The following ACOT13 variants were observed in gnomAD, a reference collection of about 807,000 sequenced individuals.
The protein encoded by ACOT13 is acyl-CoA thioesterase 13, also known as acyl-coenzyme A thioesterase 13.
In ACOT13, 10 loss-of-function variants were observed where a neutral mutation model predicts 11.8. That is an observed-to-expected ratio of 0.85 (90% confidence interval 0.53 to 1.44). ACOT13 has a LOEUF of 1.44. Ranked by LOEUF, ACOT13 falls within the 40% of genes most tolerant of loss-of-function variation. The pLI, the probability that ACOT13 is intolerant of heterozygous loss-of-function variation, is 0.00. For missense variants in ACOT13, 172 were observed against 174.1 expected (o/e 0.99, Z 0.07); for synonymous variants, 53 against 61.0 (o/e 0.87, Z 0.61).
intron 1 of ACOT13, chr6:24,687,367 T>G: frequency 9.6e-7 from 1 of 1,045,450 alleles, no homozygotes; most frequent in Non-Finnish European, 1.2e-6. Context: ...AACATTATCG[T>G]GTTTAAGTTA....
chr6:24,687,859 G>A (rs1273361278), intron 1 of ACOT13, among the ~76,000 whole-genome samples: 11 of 151,636 alleles, frequency 7.3e-5, no homozygotes, highest in African/African-American at 7.3e-5. Flanking sequence ...TTACAGGCAC[G>A]CGCCACCATG....
At chr6:24,693,138 T>C (rs1206231701) in intron 1 of ACOT13, among the ~76,000 whole-genome samples, 1 of 152,208 alleles carries the variant, frequency 6.6e-6, no homozygotes, top group Non-Finnish European at 1.5e-5. Context: ...GTTAGCAACA[T>C]CCATGGTCAG....
chr6:24,694,073 T>C (rs1461955567), intron 1 of ACOT13, among the ~76,000 whole-genome samples: 2 of 152,100 alleles, frequency 1.3e-5, no homozygotes, highest in South Asian at 2.1e-4. Context: ...AGGCCATATA[T>C]AAAAGGGACA....
At chr6:24,681,021 C>T (rs868654867) in intron 1 of ACOT13, among the ~76,000 whole-genome samples, 3 of 152,186 alleles carry the variant, frequency 2.0e-5, no homozygotes, top group Admixed American at 6.5e-5. Context: ...AAGGGAGTTC[C>T]TCCTAGGTCT....
chr6:24,681,534 T>C (rs958171548), intron 1 of ACOT13, among the ~76,000 whole-genome samples: 2 of 150,084 alleles, frequency 1.3e-5, no homozygotes, highest in Non-Finnish European at 2.9e-5. Flanking sequence ...CTTTTTCTCT[T>C]TGACTCTGTC....
At chr6:24,697,166 A>G (rs1057456843) in intron 1 of ACOT13, among the ~76,000 whole-genome samples, 2 of 152,272 alleles carry the variant, frequency 1.3e-5, no homozygotes, top group African/African-American at 4.8e-5. Context: ...CCAAAACCTT[A>G]AAAGCAGTAA....
At position 24,699,358 on chromosome 6, in the gene ACOT13, T is replaced by A. The variant is rs143521178; in HGVS notation, c.266+1291T>A. 2.0e-5 allele frequency among the ~76,000 whole-genome samples: 3 copies of A among 152,054 alleles called. 1 individual carries two copies. The highest frequency in any genetic ancestry group is 3.9e-4 in the East Asian group (2 of 5,150). On this transcript the variant is annotated intron_variant, in intron 2 of 2. Transcript: ENST00000230048. ...CCGAGTAGCTGGGACTACAGGCGCCTGCCACCATGCCCGACTAATTTGTTT... is the reference window on the plus strand; with the variant it reads ...CCGAGTAGCTGGGACTACAGGCGCCAGCCACCATGCCCGACTAATTTGTTT...
chr6:24,669,457 C>T (rs887073604), intron 1 of ACOT13, among the ~76,000 whole-genome samples: 1 of 152,126 alleles, frequency 6.6e-6, no homozygotes, highest in Admixed American at 6.5e-5. Context: ...GAATGGGAGG[C>T]AAGTTTGTCT....
intron 1 of ACOT13, among the ~76,000 whole-genome samples, chr6:24,679,140 A>C (rs200525128): frequency 3.5e-3 from 464 of 132,060 alleles, no homozygotes; most frequent in African/African-American, 5.5e-3. Flanking sequence ...GAAGCAAGCC[A>C]TATTAGGCAT....
rs571056227 is a variant in ACOT13 at position 24,702,780 on chromosome 6, A to G, written c.*1165A>G. On this transcript the variant is annotated 3_prime_UTR_variant, in exon 3 of 3. Transcript: ENST00000230048. ...GGAAATGGTCCAATAGAGGGGGAAG[A>G]AAAAAAGCATGCTACTAGCCCCTTT... 9.2e-5 allele frequency: 14 copies of G among 151,588 alleles called. No homozygotes were observed. The East Asian group carries it at 2.5e-3, about 27-fold the overall frequency. 9.4% of individuals were successfully genotyped at this position (151,588 alleles called of 1,614,324 possible). A position where few individuals can be genotyped will look rare whatever the true frequency, so the allele number is the denominator to read the frequency against.
In ACOT13 at chr6:24,692,589, A is replaced by T. The variant is rs531611482; in HGVS notation, c.82-5294A>T. On this transcript the variant is annotated intron_variant, in intron 1 of 2. Coordinates refer to ENST00000230048, the MANE Select transcript of ACOT13 (RefSeq NM_018473.4). ...CATGCCACCATGCCTGGCTAATTTT[A>T]AAAAATTTTTCTAGAGTTGGGGTCT... Among the ~76,000 whole-genome samples the T allele has an allele frequency of 4.5e-4, 69 of 152,100 alleles. No homozygotes were observed. In the South Asian group the frequency reaches 0.013, roughly 29 times the overall value.
chr6:24,667,113 G>T lies in ACOT13; in HGVS notation c.-151G>T, dbSNP rs777928755. 12 of 886,606 alleles carry T rather than the reference G, an allele frequency of 1.4e-5. No individual in the cohort carries two copies. The highest frequency in any genetic ancestry group is 6.7e-5 in the African/African-American group (4 of 59,294). 54.9% of individuals were successfully genotyped at this position (886,606 alleles called of 1,614,324 possible). A position where few individuals can be genotyped will look rare whatever the true frequency, so the allele number is the denominator to read the frequency against. On this transcript the variant is annotated 5_prime_UTR_variant, in exon 1 of 3. Transcript: ENST00000230048. ...CGCGGACCACCGGGGCTGCCAGCTC[G>T]CCTGACTCCCGGCCTCTTGCGCTCC...
rs1778908114 is a variant in ACOT13, at chr6:24,702,373, A to T, written c.*758A>T. On this transcript the variant is annotated 3_prime_UTR_variant, in exon 3 of 3. Transcript: ENST00000230048. ...TGATCCGCCTGCCTTGGCCCCCCAA[A>T]GTGCTGGGATTACAGGTGTGAGCCA... The T allele has an allele frequency of 6.6e-6, 1 of 152,120 alleles. No individual in the cohort carries two copies. Among genetic ancestry groups the T allele is most frequent in the South Asian group, 2.1e-4 (1 of 4,814 alleles). The allele number at this position is 152,120 out of a possible 1,614,324, so 9.4% of individuals were successfully genotyped here.
At chr6:24,693,098 C>A (rs1374589877) in intron 1 of ACOT13, among the ~76,000 whole-genome samples, 1 of 152,226 alleles carries the variant, frequency 6.6e-6, no homozygotes. Flanking sequence ...CTTAGACACA[C>A]CTCCTGTCAT....
At chr6:24,668,317 C>G (rs1778299179) in intron 1 of ACOT13, among the ~76,000 whole-genome samples, 1 of 151,812 alleles carries the variant, frequency 6.6e-6, no homozygotes, top group African/African-American at 2.4e-5. Context: ...CTCCTGGGTT[C>G]AAGTGATTCT....
chr6:24,697,609 G>C (rs1778815568), intron 1 of ACOT13, among the ~76,000 whole-genome samples: 1 of 152,206 alleles, frequency 6.6e-6, no homozygotes. Context: ...AAAAATGCCA[G>C]GCGTCATACA....
At position 24,703,708 on chromosome 6, in the gene ACOT13, G is replaced by A. The variant is rs1440712222; in HGVS notation, c.*2093G>A. ...TTTAGTCTGGAAAGAATCGCCAAGGGAGCTCCTGATAAAGGAACAGGGTAT... is the reference window on the plus strand; with the variant it reads ...TTTAGTCTGGAAAGAATCGCCAAGGAAGCTCCTGATAAAGGAACAGGGTAT... On this transcript the variant is annotated 3_prime_UTR_variant, in exon 3 of 3. Transcript: ENST00000230048. 6.6e-6 allele frequency: 1 copy of A among 152,166 alleles called. No homozygotes were observed. Among genetic ancestry groups the A allele is most frequent in the African/African-American group, 2.4e-5 (1 of 41,430 alleles). The allele number at this position is 152,166 out of a possible 1,614,324, so 9.4% of individuals were successfully genotyped here.
At chr6:24,695,950 T>G (rs981657800) in intron 1 of ACOT13, among the ~76,000 whole-genome samples, 1 of 151,922 alleles carries the variant, frequency 6.6e-6, no homozygotes, top group African/African-American at 2.4e-5. Flanking sequence ...CCCAGCTACT[T>G]GGGAGGCTGA....
chr6:24,704,190 C>T lies in ACOT13; in HGVS notation c.*2575C>T, dbSNP rs566867244. ...GTACTAAGGAAGGGGTAAGGAAGCA[C>T]AAAGTGTGCAACAAACTCAAATAGC... is the stretch of plus-strand genomic sequence containing the variant. On this transcript the variant is annotated 3_prime_UTR_variant, in exon 3 of 3. Coordinates refer to ENST00000230048, the MANE Select transcript of ACOT13 (RefSeq NM_018473.4). The T allele has an allele frequency of 6.6e-6, 1 of 152,104 alleles. No individual in the cohort carries two copies. Among genetic ancestry groups the T allele is most frequent in the African/African-American group, 2.4e-5 (1 of 41,496 alleles). 9.4% of individuals were successfully genotyped at this position (152,104 alleles called of 1,614,324 possible). A position where few individuals can be genotyped will look rare whatever the true frequency, so the allele number is the denominator to read the frequency against.
Sources: allele counts gnomAD v4.1 joint callset (sites outside exome capture counted in the v4.1 genomes callset), GRCh38; gene constraint gnomAD v4.1.1; transcripts MANE v1.5; gene names NCBI Gene and HGNC (gene_info 2026-07-23, HGNC 2026-07-21).